Variants in ADAMTS2 observed in about 807,000 individuals in gnomAD.
ADAMTS2 encodes the protein ADAM metallopeptidase with thrombospondin type 1 motif 2.
A neutral mutation model predicts 123.0 loss-of-function variants in ADAMTS2; 50 were observed. The ratio of observed to expected loss-of-function variants is 0.41; its 90% CI spans 0.32 to 0.51. ADAMTS2 has a LOEUF of 0.51. Among genes scored for constraint, ADAMTS2 ranks in the 20% least tolerant of loss-of-function variants. ADAMTS2 has a pLI of 0.35. For missense variants in ADAMTS2, 1,494 were observed against 1,705.2 expected, an observed-to-expected ratio of 0.88 and a Z score of 2.18; for synonymous variants, 678 against 695.4, an observed-to-expected ratio of 0.98 and a Z score of 0.39.
At chr5:179,131,436 G>T (rs1263205543) in intron 15 of ADAMTS2, among the ~76,000 whole-genome samples, 1 of 152,068 alleles carries the variant, frequency 6.6e-6, no homozygotes, top group African/African-American at 2.4e-5. Flanking sequence ...TGGTATGTTT[G>T]TCAGGCAGCG....
intron 5 of ADAMTS2, among the ~76,000 whole-genome samples, chr5:179,176,504 C>T (rs1763933348): frequency 6.6e-6 from 1 of 152,190 alleles, no homozygotes; most frequent in African/African-American, 2.4e-5. Flanking sequence ...GGGGTTGATA[C>T]CATCATCTAC....
intron 2 of ADAMTS2, among the ~76,000 whole-genome samples, chr5:179,315,044 C>G (rs543146419): frequency 4.2e-4 from 63 of 151,006 alleles, no homozygotes; most frequent in Admixed American, 2.0e-3. Flanking sequence ...ACCCACCCCC[C>G]CCACAATCCC....
At position 179,114,089 on chromosome 5, in the gene ADAMTS2, G is replaced by A; in HGVS notation, c.3414C>T (p.Thr1138=). The A allele has an allele frequency of 2.5e-6, 4 of 1,614,100 alleles. No individual in the cohort carries two copies. The highest frequency in any genetic ancestry group is 1.3e-5 in the African/African-American group (1 of 75,016). Residue 1138 remains threonine (T), a synonymous_variant, in exon 22 of 22, where the codon ACC becomes ACT. Transcript: ENST00000251582. The part of the protein sequence containing the change: ...VAMEVRPSPS[T]PLEVPLNASS... The stretch of plus-strand genomic sequence containing the variant: ...AGGCATTGAGAGGGACCTCCAGGGG[G>A]GTGCTTGGTGATGGCCGCACCTCCA...
At chr5:179,318,247 A>T (rs1308778547) in intron 2 of ADAMTS2, among the ~76,000 whole-genome samples, 1 of 152,256 alleles carries the variant, frequency 6.6e-6, no homozygotes, top group African/African-American at 2.4e-5. Flanking sequence ...TGAGGAATAA[A>T]ATGGCAGCAT....
intron 2 of ADAMTS2, among the ~76,000 whole-genome samples, chr5:179,302,958 G>A (rs896694613): frequency 7.0e-6 from 1 of 142,064 alleles, no homozygotes; most frequent in African/African-American, 2.5e-5. Flanking sequence ...GGGCAGAGTG[G>A]TGGGCCTGGG....
At chr5:179,148,624 T>C (rs1044854209) in intron 10 of ADAMTS2, among the ~76,000 whole-genome samples, 14 of 152,162 alleles carry the variant, frequency 9.2e-5, no homozygotes, top group Non-Finnish European at 1.9e-4. Context: ...GCCGTCCTCC[T>C]GTGTCCATGC....
At position 179,285,324 on chromosome 5, in the gene ADAMTS2, GA is replaced by G. The variant is rs1013346265; in HGVS notation, c.535-12261del. ...AGAGCACAGAGAGAAAGATAAGGGGGAAAATGGAATAAACAAGATGCCGACA... is the reference window on the plus strand; with the variant it reads ...AGAGCACAGAGAGAAAGATAAGGGGGAAATGGAATAAACAAGATGCCGACA... On this transcript the variant is annotated intron_variant, in intron 2 of 21. Transcript: ENST00000251582. This position sits in a 1 kb window ranked among gnomAD's most constrained non-coding sequence, Gnocchi z 4.9. Among the ~76,000 whole-genome samples the G allele has an allele frequency of 6.6e-5, 10 of 152,244 alleles. No homozygotes were observed. The highest frequency in any genetic ancestry group is 2.4e-4 in the African/African-American group (10 of 41,464).
Position 179,332,093 on chromosome 5 carries a change from G to A in ADAMTS2, c.534+11674C>T, listed in dbSNP as rs1757498548. On this transcript the variant is annotated intron_variant, in intron 2 of 21. Transcript: ENST00000251582. This position sits in a 1 kb window ranked among gnomAD's most constrained non-coding sequence, Gnocchi z 4.2. ...CTATTAGGTTGGTGCAAAAGTAACT[G>A]TGACCTTGGAATCAGACAGACATGT... 6.6e-6 allele frequency among the ~76,000 whole-genome samples: 1 copy of A among 152,248 alleles called. No homozygotes were observed. The highest frequency in any genetic ancestry group is 1.9e-4 in the East Asian group (1 of 5,200).
At position 179,118,255 on chromosome 5, in the gene ADAMTS2, G is replaced by A. The variant is rs919268534; in HGVS notation, c.3178+3406C>T. Among the ~76,000 whole-genome samples, 1 of 152,158 alleles carries A rather than the reference G, an allele frequency of 6.6e-6. No individual in the cohort carries two copies. Among genetic ancestry groups the A allele is most frequent in the African/African-American group, 2.4e-5 (1 of 41,434 alleles). On this transcript the variant is annotated intron_variant, in intron 21 of 21. Coordinates refer to ENST00000251582, the MANE Select transcript of ADAMTS2 (RefSeq NM_014244.5). The surrounding 1 kb of genome is among the most constrained non-coding windows in gnomAD (Gnocchi z 4.5). ...CCTAGAAAAATTTCAAAGTCATCAT[G>A]ACCAACTGATCTTAAAGATGCCCCA...
rs183844277 is a variant in ADAMTS2 at position 179,173,559 on chromosome 5, T to C, written c.975+7513A>G. 1.6e-4 allele frequency among the ~76,000 whole-genome samples: 25 copies of C among 152,346 alleles called. No homozygotes were observed. The East Asian group carries it at 4.8e-3, about 29-fold the overall frequency. ...CATTACTTAACTAGACCACTATTAT[T>C]GGACAATATAGGTTGTTTGCTGTTG... On this transcript the variant is annotated intron_variant, in intron 5 of 21. Coordinates refer to ENST00000251582, the MANE Select transcript of ADAMTS2 (RefSeq NM_014244.5).
intron 3 of ADAMTS2, among the ~76,000 whole-genome samples, chr5:179,247,192 T>C (rs539677148): frequency 4.6e-5 from 7 of 151,924 alleles, no homozygotes; most frequent in Admixed American, 2.0e-4. Context: ...AATAAAGAAA[T>C]AGAAATTATA....
chr5:179,238,915 G>A (rs1355231390), intron 3 of ADAMTS2, among the ~76,000 whole-genome samples: 2 of 152,046 alleles, frequency 1.3e-5, no homozygotes, highest in East Asian at 3.9e-4. Flanking sequence ...CCTCTTACAG[G>A]AAATGCCCCA....
rs11952556 is a variant in ADAMTS2 at position 179,157,824 on chromosome 5, C to T, written c.1132+899G>A. Among the ~76,000 whole-genome samples, 792 of 152,284 alleles carry T rather than the reference C, an allele frequency of 5.2e-3. 10 individuals carry two copies. Among genetic ancestry groups the T allele is most frequent in the African/African-American group, 0.018 (758 of 41,550 alleles). ...TATTATCCTTATTATGATTTGTAGG[C>T]GTTCTTCACATACTTCAGATATAAA... On this transcript the variant is annotated intron_variant, in intron 6 of 21. Coordinates refer to ENST00000251582, the MANE Select transcript of ADAMTS2 (RefSeq NM_014244.5).
chr5:179,240,047 G>T (rs1199073351), intron 3 of ADAMTS2, among the ~76,000 whole-genome samples: 1 of 152,162 alleles, frequency 6.6e-6, no homozygotes, highest in Non-Finnish European at 1.5e-5. Flanking sequence ...CTCCACCTAG[G>T]GGGTGCTGCT....
chr5:179,299,064 G>T (rs1448524226), intron 2 of ADAMTS2, among the ~76,000 whole-genome samples: 1 of 151,854 alleles, frequency 6.6e-6, no homozygotes, highest in Non-Finnish European at 1.5e-5. Context: ...AATAAATGAA[G>T]CCAGTGCTCC....
intron 2 of ADAMTS2, among the ~76,000 whole-genome samples, chr5:179,339,569 G>A (rs55722639): frequency 0.24 from 35,868 of 152,186 alleles, 4,374 homozygotes; most frequent in Admixed American, 0.29. Flanking sequence ...GGCGGAGGCT[G>A]AGACTGGCCT....
chr5:179,194,427 G>T (rs1764374706), intron 4 of ADAMTS2, among the ~76,000 whole-genome samples: 1 of 152,202 alleles, frequency 6.6e-6, no homozygotes. Context: ...TGGGCAGGCG[G>T]GTGGGCCTCA....
chr5:179,256,296 G>A lies in ADAMTS2; in HGVS notation c.688+16615C>T, dbSNP rs1020065441. On this transcript the variant is annotated intron_variant, in intron 3 of 21. Transcript: ENST00000251582. This position sits in a 1 kb window ranked among gnomAD's most constrained non-coding sequence, Gnocchi z 4.1. The stretch of plus-strand genomic sequence containing the variant: ...ACGGGTGCCCAACAGGAAAGAGGAC[G>A]GGGGCTTATTATAAGGAAAATAGTG... 1.3e-4 allele frequency among the ~76,000 whole-genome samples: 20 copies of A among 152,270 alleles called. No individual in the cohort carries two copies. The highest frequency in any genetic ancestry group is 5.8e-4 in the East Asian group (3 of 5,162).
intron 3 of ADAMTS2, among the ~76,000 whole-genome samples, chr5:179,232,276 A>G (rs767549351): frequency 2.0e-5 from 3 of 152,232 alleles, no homozygotes; most frequent in Non-Finnish European, 4.4e-5. Context: ...GTGCGGCGCC[A>G]TGGAAGCCAC....
Sources: gnomAD v4.1 joint callset for allele counts (sites outside exome capture counted in the v4.1 genomes callset) on GRCh38, gnomAD v4.1.1 for gene constraint, Gnocchi (gnomAD v3.1) non-coding constraint, MANE v1.5 for transcripts, NCBI Gene and HGNC (gene_info 2026-07-23, HGNC 2026-07-21) for gene names.